FUBP1: variants seen among roughly 807,000 people sequenced by gnomAD.
The protein encoded by FUBP1 is far upstream element binding protein 1.
In FUBP1, 16 loss-of-function variants were observed where a neutral mutation model predicts 94.9. That is an observed-to-expected ratio of 0.17 (90% CI 0.11 to 0.26). FUBP1 has a LOEUF of 0.26. Among genes scored for constraint, FUBP1 ranks in the 10% least tolerant of loss-of-function variants. The pLI is 1.00. For synonymous variants in FUBP1, 279 were observed against 254.9 expected, an observed-to-expected ratio of 1.09 and a Z score of -0.90; for missense variants, 583 against 808.6, an observed-to-expected ratio of 0.72 and a Z score of 3.38.
At chr1:77,956,533 C>G (rs1654492059) in intron 17 of FUBP1, 39 bp downstream of exon 17, 1 of 1,520,908 alleles carries the variant, frequency 6.6e-7, no homozygotes, top group African/African-American at 1.4e-5. Context: ...ATTCCAAGCA[C>G]AACTTTTGGC....
At position 77,964,285 on chromosome 1, in the gene FUBP1, A is replaced by C; in HGVS notation, c.909T>G (p.Asn303Lys). The C allele has an allele frequency of 6.2e-7, 1 of 1,609,848 alleles. No individual in the cohort carries two copies. The highest frequency in any genetic ancestry group is 8.5e-7 in the Non-Finnish European group (1 of 1,178,276). ...TAAACTGAATGCGAACACCAGCATC[A>C]TTTTGTATTTTTTTGATCATCTCTC... is the stretch of plus-strand genomic sequence containing the variant. Reference protein sequence around the residue: ...RNGEMIKKIQNDAGVRIQFKP... With the variant: ...RNGEMIKKIQKDAGVRIQFKP... Residue 303 changes from asparagine to lysine, a missense_variant, in exon 11 of 20, where the codon AAT becomes AAG. Physicochemically the swap from Asn to Lys is moderately conservative, Grantham distance 94. Coordinates refer to ENST00000370768, the MANE Select transcript of FUBP1 (RefSeq NM_003902.5).
chr1:77,960,649 T>C, intron 14 of FUBP1, 154 bp from the exon 15 acceptor site: 2 of 557,970 alleles, frequency 3.6e-6, no homozygotes, highest in East Asian at 6.7e-5. Flanking sequence ...GCAAAAACTA[T>C]TTCATCTGCC....
At position 77,960,057 on chromosome 1, in the gene FUBP1, A is replaced by G. The variant is rs889992456; in HGVS notation, c.1576+127T>C. 2.6e-5 allele frequency: 18 copies of G among 694,404 alleles called. No individual in the cohort carries two copies. The African/African-American group carries it at 3.2e-4, about 13-fold the overall frequency. The allele number at this position is 694,404 out of a possible 1,614,324, so 43.0% of individuals were successfully genotyped here. ...TACACTGGGGTAGAGGCAGTGCCTA[A>G]CACTGTTGAAAGAGTAAAGTGAGTG... On this transcript the variant is annotated intron_variant, in intron 16 of 19. Coordinates refer to ENST00000370768, the MANE Select transcript of FUBP1 (RefSeq NM_003902.5).
At chr1:77,952,114 C>T (rs762794177) in intron 18 of FUBP1, among the ~76,000 whole-genome samples, 8 of 152,052 alleles carry the variant, frequency 5.3e-5, no homozygotes, top group Non-Finnish European at 1.2e-4. Context: ...GAAATCTTAT[C>T]AAGATTTTCT....
chr1:77,969,441 G>A (rs1315405519), intron 2 of FUBP1, among the ~76,000 whole-genome samples: 1 of 151,098 alleles, frequency 6.6e-6, no homozygotes, highest in Admixed American at 6.6e-5. Flanking sequence ...CAAAAGTACT[G>A]AAAGTAAAGA....
Position 77,947,265 on chromosome 1 carries a change from G to T in FUBP1, c.*1501C>A. Reference sequence around the variant, plus strand: ...CATATAAAAAATACTTACCCATTAAGCTCACTTTAAAAAAAATACAGAACT... The same window carrying T: ...CATATAAAAAATACTTACCCATTAATCTCACTTTAAAAAAAATACAGAACT... On this transcript the variant is annotated 3_prime_UTR_variant, in exon 20 of 20. Transcript: ENST00000370768. 1 of 296,480 alleles carries T rather than the reference G, an allele frequency of 3.4e-6. No homozygotes were observed. The highest frequency in any genetic ancestry group is 2.1e-5 in the African/African-American group (1 of 46,834). The allele number at this position is 296,480 out of a possible 1,614,324, so 18.4% of individuals were successfully genotyped here.
At position 77,966,738 on chromosome 1, in the gene FUBP1, A is replaced by G; in HGVS notation, c.429T>C (p.Leu143=). Residue 143 remains leucine, a synonymous_variant, in exon 7 of 20, where the codon CTT becomes CTC. Coordinates refer to ENST00000370768, the MANE Select transcript of FUBP1 (RefSeq NM_003902.5). ...CAGTTAACATACAGGACCTTTCTGG[A>G]AGGCCACCACTGTCTACAATTTAAA... ...KIQIAPDSGG[L]PERSCMLTGT... The G allele has an allele frequency of 6.4e-7, 1 of 1,574,608 alleles. No individual in the cohort carries two copies. Among genetic ancestry groups the G allele is most frequent in the Non-Finnish European group, 8.7e-7 (1 of 1,144,192 alleles).
chr1:77,955,815 C>T (rs1287999890), intron 17 of FUBP1, among the ~76,000 whole-genome samples: 1 of 152,094 alleles, frequency 6.6e-6, no homozygotes, highest in Non-Finnish European at 1.5e-5. Context: ...AGCAATTACA[C>T]CTCAGTAGCA....
chr1:77,954,490 T>G (rs566325872), intron 18 of FUBP1, among the ~76,000 whole-genome samples: 43 of 152,320 alleles, frequency 2.8e-4, no homozygotes, highest in Middle Eastern at 6.8e-3. Context: ...ATCAGGTATA[T>G]GTAATTTTAC....
At position 77,964,975 on chromosome 1, in the gene FUBP1, C is replaced by A; in HGVS notation, c.637-7G>T. 1 of 1,605,684 alleles carries A rather than the reference C, an allele frequency of 6.2e-7. No individual in the cohort carries two copies. The highest frequency in any genetic ancestry group is 8.5e-7 in the Non-Finnish European group (1 of 1,172,516). On this transcript the variant is annotated splice_polypyrimidine_tract_variant and splice_region_variant and intron_variant, in intron 8 of 19. Coordinates refer to ENST00000370768, the MANE Select transcript of FUBP1 (RefSeq NM_003902.5). ...TTTTAACTCCAGCCCGTTCCTGTTA[C>A]AATCATAGAAATAATATATATTAAC...
At chr1:77,967,169 C>A in intron 4 of FUBP1, 68 bp from the exon 5 acceptor site, 1 of 1,036,048 alleles carries the variant, frequency 9.7e-7, no homozygotes, top group South Asian at 1.5e-5. Context: ...AAAAGATAAT[C>A]TATTAATAAA....
At chr1:77,955,220 T>G in intron 18 of FUBP1, 35 bp downstream of exon 18, 1 of 861,416 alleles carries the variant, frequency 1.2e-6, no homozygotes, top group Non-Finnish European at 2.0e-6. Flanking sequence ...TCAATTTAAT[T>G]AAGTATGTAT....
intron 9 of FUBP1, 21 bp from the exon 10 acceptor site, chr1:77,964,768 TAATTTAGA>T: frequency 6.4e-7 from 1 of 1,566,794 alleles, no homozygotes; most frequent in Non-Finnish European, 8.8e-7. Context: ...AAAAGTTAGC[TAATTTAGA>T]AAGCATGTCT....
chr1:77,955,704 A>G (rs1001871990), intron 17 of FUBP1, among the ~76,000 whole-genome samples: 2 of 152,224 alleles, frequency 1.3e-5, no homozygotes, highest in Non-Finnish European at 2.9e-5. Context: ...GTTTTTAAAA[A>G]TATATACATA....
intron 4 of FUBP1, 72 bp downstream of exon 4, chr1:77,967,555 A>G: frequency 9.4e-7 from 1 of 1,059,544 alleles, no homozygotes; most frequent in South Asian, 1.4e-5. Flanking sequence ...AATATACACC[A>G]ATGTGGTTGT....
chr1:77,961,254 A>G (rs189048980), intron 14 of FUBP1, among the ~76,000 whole-genome samples: 37 of 152,352 alleles, frequency 2.4e-4, no homozygotes, highest in Admixed American at 5.2e-4. Context: ...AGTAGTTAAC[A>G]CAACCAGGCG....
rs1285630050 is a variant in FUBP1 at position 77,975,525 on chromosome 1, CATA to C, written c.120+3357_120+3359del. 2.6e-5 allele frequency among the ~76,000 whole-genome samples: 4 copies of C among 152,084 alleles called. No homozygotes were observed. In the East Asian group the frequency reaches 7.7e-4, roughly 29 times the overall value. ...AAGAGACTGCAAGAAGGATCGAATA[CATA>C]ATGACTAATTTCATAGTTGTCTAGA... On this transcript the variant is annotated intron_variant, in intron 1 of 19. Transcript: ENST00000370768.
intron 1 of FUBP1, among the ~76,000 whole-genome samples, chr1:77,977,545 T>G (rs1332925731): frequency 6.7e-6 from 1 of 150,310 alleles, no homozygotes; most frequent in Non-Finnish European, 1.5e-5. Flanking sequence ...AAAACAAAAC[T>G]CCAGTATCTA....
At chr1:77,959,880 T>C (rs1655142022) in intron 16 of FUBP1, among the ~76,000 whole-genome samples, 1 of 152,242 alleles carries the variant, frequency 6.6e-6, no homozygotes, top group Non-Finnish European at 1.5e-5. Context: ...ATGAACATAC[T>C]ACACATTTGA....
Sources: allele counts gnomAD v4.1 joint callset (sites outside exome capture counted in the v4.1 genomes callset), GRCh38; gene constraint gnomAD v4.1.1; transcripts MANE v1.5; gene names NCBI Gene and HGNC (gene_info 2026-07-23, HGNC 2026-07-21).